The following SLC7A7 variants were observed in gnomAD, a reference collection of about 807,000 sequenced individuals.
SLC7A7 encodes solute carrier family 7 member 7, also known as Y+L amino acid transporter 1.
Under a neutral mutation model 47.9 loss-of-function variants are expected in SLC7A7, and 39 were observed. The ratio of observed to expected loss-of-function variants is 0.81; its 90% confidence interval spans 0.63 to 1.06. SLC7A7 has a LOEUF of 1.06. Ranked by LOEUF, SLC7A7 falls within the 50% of genes least tolerant of loss-of-function variation. The pLI, the probability that SLC7A7 is intolerant of heterozygous loss-of-function variation, is 0.00. For synonymous variants in SLC7A7, 234 were observed against 242.8 expected, an observed-to-expected ratio of 0.96 and a Z score of 0.34; for missense variants, 588 against 632.0, an observed-to-expected ratio of 0.93 and a Z score of 0.75.
chr14:22,811,124 G>C (rs1167507312), intron 2 of SLC7A7, among the ~76,000 whole-genome samples: 1 of 152,094 alleles, frequency 6.6e-6, no homozygotes, highest in African/African-American at 2.4e-5. Flanking sequence ...AACACAGAAG[G>C]ACCCCACAGA....
chr14:22,818,587 T>TG (rs1378761016), upstream of SLC7A7, among the ~76,000 whole-genome samples: 3 of 143,170 alleles, frequency 2.1e-5, no homozygotes, highest in South Asian at 2.2e-4. Flanking sequence ...TTTTTGGTTT[T>TG]TTTTTTTTTT....
At position 22,812,960 on chromosome 14, in the gene SLC7A7, G is replaced by C; in HGVS notation, c.439C>G (p.Leu147Val). ...ITFANYMVQP[L>V]FPSCFAPYAA... is the part of the protein sequence containing the mutation. ...TAAGGGGCGAAGCAGCTCGGGAAGA[G>C]AGGCTGTACCATGTAGTTGGCAAAG... The change falls in exon 2 of 10, where the codon CTC (leucine) becomes GTC (valine). Residue 147 changes from leucine to valine, a missense_variant. Coordinates refer to ENST00000674313, the MANE Select transcript of SLC7A7 (RefSeq NM_003982.4). 6.2e-7 allele frequency: 1 copy of C among 1,614,016 alleles called. No individual in the cohort carries two copies. The highest frequency in any genetic ancestry group is 8.5e-7 in the Non-Finnish European group (1 of 1,180,004).
Position 22,775,555 on chromosome 14 carries a change from A to G in SLC7A7, c.999-15T>C, listed in dbSNP as rs749310348. On this transcript the variant is annotated splice_polypyrimidine_tract_variant and intron_variant, in intron 6 of 9. Transcript: ENST00000674313. ...CAAAGAAAAGCCTATGTTAGGTAAGATAGGAGAAGCTGAGAAAATTGGTGG... is the reference window on the plus strand; with the variant it reads ...CAAAGAAAAGCCTATGTTAGGTAAGGTAGGAGAAGCTGAGAAAATTGGTGG... 3 of 1,611,960 alleles carry G rather than the reference A, an allele frequency of 1.9e-6. No homozygotes were observed. In the African/African-American group the frequency reaches 4.0e-5, roughly 22 times the overall value.
Position 22,773,977 on chromosome 14 carries a change from CTGA to C in SLC7A7, c.1382_1384del (p.Ile461del), listed in dbSNP as rs759301639. 403 of 1,614,140 alleles carry C rather than the reference CTGA, an allele frequency of 2.5e-4. No individual in the cohort carries two copies. The highest frequency in any genetic ancestry group is 3.3e-4 in the Non-Finnish European group (385 of 1,180,032). ...AAGCGGTCGCTTATGTTCTGGCACT[CTGA>C]TGATGAGGAAGTAAAAGGGCAGGCC... On this transcript the variant is annotated inframe_deletion, in exon 9 of 10. Coordinates refer to ENST00000674313, the MANE Select transcript of SLC7A7 (RefSeq NM_003982.4).
chr14:22,803,454 G>A (rs2039150223), intron 2 of SLC7A7, among the ~76,000 whole-genome samples: 1 of 152,144 alleles, frequency 6.6e-6, no homozygotes, highest in Non-Finnish European at 1.5e-5. Flanking sequence ...GGGGAACTGA[G>A]AGTGACCATT....
intron 7 of SLC7A7, among the ~76,000 whole-genome samples, chr14:22,775,016 A>G (rs2038569545): frequency 6.6e-6 from 1 of 152,132 alleles, no homozygotes; most frequent in African/African-American, 2.4e-5. Flanking sequence ...TCCTACCTAA[A>G]GCCCATCTCT....
rs1356958501 is a variant in SLC7A7, at chr14:22,779,999, T to C, written c.552A>G (p.Gln184=). Residue 184 remains glutamine (Q), a synonymous_variant, in exon 3 of 10, where the codon CAA becomes CAG. Transcript: ENST00000674313. ...ATACTTTAGCATAGGTGAAAATATCTTGTACCAGGGTTCCCCATTTGACAT... is the reference window on the plus strand; with the variant it reads ...ATACTTTAGCATAGGTGAAAATATCCTGTACCAGGGTTCCCCATTTGACAT... ...CAYVKWGTLV[Q]DIFTYAKVLA... is the part of the protein sequence containing the mutation. 2 of 1,614,028 alleles carry C rather than the reference T, an allele frequency of 1.2e-6. No homozygotes were observed. The highest frequency in any genetic ancestry group is 1.6e-4 in the Middle Eastern group (1 of 6,082).
intron 2 of SLC7A7, among the ~76,000 whole-genome samples, chr14:22,787,463 T>C (rs988724975): frequency 1.2e-4 from 14 of 118,298 alleles, no homozygotes; most frequent in African/African-American, 4.3e-4. Context: ...AAATAAATGT[T>C]GACATGGGCT....
At chr14:22,777,535 C>T (rs1446861217) in intron 4 of SLC7A7, among the ~76,000 whole-genome samples, 2 of 151,646 alleles carry the variant, frequency 1.3e-5, no homozygotes, top group South Asian at 2.1e-4. Flanking sequence ...CCAATAAAGC[C>T]ATGATCTTTA....
chr14:22,795,382 CTTGCTTT>C (rs2038995617), intron 2 of SLC7A7, among the ~76,000 whole-genome samples: 1 of 3,078 alleles, frequency 3.2e-4, no homozygotes, highest in African/African-American at 3.5e-4. Flanking sequence ...GTATTGCTTG[CTTGCTTT>C]CTTTCTTTCT....
intron 2 of SLC7A7, among the ~76,000 whole-genome samples, chr14:22,798,699 C>T (rs142774642): frequency 1.3e-3 from 198 of 152,280 alleles, no homozygotes; most frequent in South Asian, 1.2e-3. Context: ...CATTCCTTCC[C>T]GTTCCTGGGT....
chr14:22,815,026 C>T (rs900091039), intron 1 of SLC7A7: 1 of 286,048 alleles, frequency 3.5e-6, no homozygotes, highest in Non-Finnish European at 6.9e-6. Flanking sequence ...ATCCAATGTA[C>T]CATAAAACCT....
chr14:22,785,508 A>G (rs2038797699), intron 2 of SLC7A7, among the ~76,000 whole-genome samples: 1 of 151,780 alleles, frequency 6.6e-6, no homozygotes, highest in Non-Finnish European at 1.5e-5. Context: ...CGGGCAGATC[A>G]TCTGAGGTTG....
At chr14:22,819,463 G>A (rs1296423837), upstream of SLC7A7, among the ~76,000 whole-genome samples, 6 of 152,018 alleles carry the variant, frequency 3.9e-5, no homozygotes, top group Non-Finnish European at 8.8e-5. Flanking sequence ...CCTGTGGCCA[G>A]GGCTTCCATT....
intron 2 of SLC7A7, among the ~76,000 whole-genome samples, chr14:22,798,212 G>A (rs992154245): frequency 1.3e-5 from 2 of 152,176 alleles, no homozygotes; most frequent in Middle Eastern, 3.4e-3. Context: ...CAGGAGAATC[G>A]CTTGAACCCA....
chr14:22,811,271 C>T lies in SLC7A7; in HGVS notation c.499+1629G>A, dbSNP rs570786648. ...AGCGGTGAGCCAATGAGCAATTGCA[C>T]CTGGTGCAAAATTCCTGTGCCCCAA... On this transcript the variant is annotated intron_variant, in intron 2 of 9. Transcript: ENST00000674313. Among the ~76,000 whole-genome samples the T allele has an allele frequency of 5.9e-5, 9 of 152,294 alleles. No homozygotes were observed. The South Asian group carries it at 1.9e-3, about 32-fold the overall frequency.
intron 2 of SLC7A7, among the ~76,000 whole-genome samples, chr14:22,811,049 G>A (rs935691255): frequency 6.6e-6 from 1 of 152,022 alleles, no homozygotes; most frequent in African/African-American, 2.4e-5. Flanking sequence ...CTCCCTGACT[G>A]TTGCCATGTA....
intron 2 of SLC7A7, among the ~76,000 whole-genome samples, chr14:22,792,189 T>G (rs927319460): frequency 1.3e-5 from 2 of 152,132 alleles, no homozygotes; most frequent in Non-Finnish European, 2.9e-5. Flanking sequence ...TTTGATACAT[T>G]ATTTCTTCCA....
chr14:22,807,382 A>G (rs779208044), intron 2 of SLC7A7, among the ~76,000 whole-genome samples: 5 of 151,980 alleles, frequency 3.3e-5, no homozygotes, highest in Non-Finnish European at 7.4e-5. Flanking sequence ...ACTAAGTCTC[A>G]TTATTTCACT....
Sources: allele counts gnomAD v4.1 joint callset (sites outside exome capture counted in the v4.1 genomes callset), GRCh38; gene constraint gnomAD v4.1.1; transcripts MANE v1.5; gene names NCBI Gene and HGNC (gene_info 2026-07-23, HGNC 2026-07-21).